Variants in CDH17 observed in about 807,000 individuals in gnomAD.
The protein encoded by CDH17 is cadherin-17.
In CDH17, 67 loss-of-function variants were observed where a neutral mutation model predicts 86.3. The ratio of observed to expected loss-of-function variants is 0.78; its 90% confidence interval spans 0.64 to 0.95. CDH17 has a LOEUF of 0.95. Among genes scored for constraint, CDH17 ranks in the 40% least tolerant of loss-of-function variants. The probability of loss-of-function intolerance (pLI) is 0.00; values close to 1 mark genes in which losing one functional copy is unlikely to be tolerated. For missense variants in CDH17, 993 were observed against 1,017.6 expected, an observed-to-expected ratio of 0.98 and a Z score of 0.33; for synonymous variants, 367 against 366.4, an observed-to-expected ratio of 1.00 and a Z score of -0.02.
intron 15 of CDH17, among the ~76,000 whole-genome samples, chr8:94,133,229 C>T (rs1812454686): frequency 6.6e-6 from 1 of 152,140 alleles, no homozygotes; most frequent in Admixed American, 6.5e-5. Context: ...AAGGGGATGG[C>T]ATTGAATCTA....
intron 1 of CDH17, among the ~76,000 whole-genome samples, chr8:94,195,847 G>T (rs979773634): frequency 6.6e-6 from 1 of 151,160 alleles, no homozygotes; most frequent in African/African-American, 2.4e-5. Flanking sequence ...TGCAAGCTCC[G>T]CCTCCCAGGT....
intron 1 of CDH17, among the ~76,000 whole-genome samples, chr8:94,195,898 C>T (rs1586022144): frequency 6.6e-6 from 1 of 151,938 alleles, no homozygotes; most frequent in African/African-American, 2.4e-5. Context: ...GTAGCTGGGA[C>T]TACAGGCGCC....
At chr8:94,128,404 A>C in intron 17 of CDH17, 64 bp from the exon 18 acceptor site, 1 of 997,350 alleles carries the variant, frequency 1.0e-6, no homozygotes, top group South Asian at 1.4e-5. Flanking sequence ...ACATTCAGTT[A>C]TAAAGTAGTA....
intron 15 of CDH17, among the ~76,000 whole-genome samples, chr8:94,133,723 C>T (rs548432839): frequency 2.0e-5 from 3 of 152,312 alleles, no homozygotes; most frequent in South Asian, 2.1e-4. Flanking sequence ...AGAGGGCATC[C>T]TTGTCTTCTG....
rs747018708 is a variant in CDH17 at position 94,194,687 on chromosome 8, G to GTT, written c.-4_-3dup. 2 of 1,598,326 alleles carry GTT rather than the reference G, an allele frequency of 1.3e-6. No individual in the cohort carries two copies. Among genetic ancestry groups the GTT allele is most frequent in the Non-Finnish European group, 1.7e-6 (2 of 1,170,256 alleles). On this transcript the variant is annotated 5_prime_UTR_variant, in exon 2 of 18. Transcript: ENST00000027335. ...GTGAAGATGGGCCTGAAGTATCATA[G>GTT]TTTTCTTTATTCAAATTCCTGTGAA...
In CDH17 at chr8:94,173,883, T is replaced by C; in HGVS notation, c.697A>G (p.Ile233Val). The C allele has an allele frequency of 6.2e-7, 1 of 1,613,830 alleles. No individual in the cohort carries two copies. Among genetic ancestry groups the C allele is most frequent in the Non-Finnish European group, 8.5e-7 (1 of 1,179,760 alleles). Residue 233 changes from isoleucine (I) to valine (V), a missense_variant, in exon 7 of 18, where the codon ATA (isoleucine) becomes GTA (valine). Physicochemically the swap from Ile to Val is conservative, Grantham distance 29. Transcript: ENST00000027335. ...SFSDTTSVDIIVTENIWKAPK... is the reference protein window; with the variant it reads ...SFSDTTSVDIVVTENIWKAPK... The stretch of plus-strand genomic sequence containing the variant: ...GCTTTCCAAATATTCTCTGTCACTA[T>C]GATATCCACAGATGTGGTATCACTG...
chr8:94,128,032 G>T lies in CDH17; in HGVS notation c.*208C>A, dbSNP rs375126839. The stretch of plus-strand genomic sequence containing the variant: ...CATGTGAACCCAGGAGGCGGAGGTT[G>T]CAGTGAGCTGGGATCACACCACTGT... On this transcript the variant is annotated 3_prime_UTR_variant, in exon 18 of 18. Coordinates refer to ENST00000027335, the MANE Select transcript of CDH17 (RefSeq NM_004063.4). 54 of 446,798 alleles carry T rather than the reference G, an allele frequency of 1.2e-4. No homozygotes were observed. Among genetic ancestry groups the T allele is most frequent in the African/African-American group, 1.1e-3 (53 of 49,030 alleles). 27.7% of individuals were successfully genotyped at this position (446,798 alleles called of 1,614,324 possible).
At chr8:94,186,367 C>T (rs1157868520) in intron 3 of CDH17, among the ~76,000 whole-genome samples, 1 of 152,130 alleles carries the variant, frequency 6.6e-6, no homozygotes, top group Non-Finnish European at 1.5e-5. Context: ...GAAACATAAA[C>T]AACAGAAGTT....
At chr8:94,183,388 T>C (rs1040120339) in intron 3 of CDH17, among the ~76,000 whole-genome samples, 25 of 152,100 alleles carry the variant, frequency 1.6e-4, no homozygotes, top group Non-Finnish European at 2.8e-4. Context: ...TAAACATATA[T>C]AGATCAATGG....
chr8:94,216,257 C>T (rs1814191944), intron 1 of CDH17, among the ~76,000 whole-genome samples: 1 of 152,204 alleles, frequency 6.6e-6, no homozygotes, highest in African/African-American at 2.4e-5. Context: ...CCAATAGCTA[C>T]AGGAGGAAAC....
At chr8:94,203,490 A>G (rs1813961285) in intron 1 of CDH17, among the ~76,000 whole-genome samples, 2 of 152,346 alleles carry the variant, frequency 1.3e-5, no homozygotes, top group Non-Finnish European at 2.9e-5. Context: ...AGCGGCATAA[A>G]TTATAAGGCA....
chr8:94,181,173 G>T (rs1382038324), intron 3 of CDH17, among the ~76,000 whole-genome samples: 5 of 151,880 alleles, frequency 3.3e-5, no homozygotes, highest in Non-Finnish European at 7.4e-5. Flanking sequence ...ACCTAACAAT[G>T]GACCTCAAAA....
intron 2 of CDH17, 73 bp from the exon 3 acceptor site, chr8:94,189,358 T>G: frequency 2.0e-6 from 2 of 1,024,178 alleles, no homozygotes; most frequent in Non-Finnish European, 3.0e-6. Flanking sequence ...TATTAGGGCT[T>G]CCAGCACCAA....
intron 5 of CDH17, 120 bp downstream of exon 5, chr8:94,176,421 G>T: frequency 9.4e-7 from 1 of 1,069,508 alleles, no homozygotes; most frequent in Non-Finnish European, 1.4e-6. Flanking sequence ...AAATCAGTGT[G>T]AAATGTAGGT....
chr8:94,204,390 T>C (rs1166848548), intron 1 of CDH17, among the ~76,000 whole-genome samples: 4 of 152,170 alleles, frequency 2.6e-5, no homozygotes, highest in Non-Finnish European at 5.9e-5. Context: ...AGTGAGAACA[T>C]GCAGAGTTTG....
At chr8:94,208,194 A>G (rs1276519506) in intron 1 of CDH17, among the ~76,000 whole-genome samples, 1 of 152,252 alleles carries the variant, frequency 6.6e-6, no homozygotes, top group African/African-American at 2.4e-5. Context: ...TTTAAACATC[A>G]GAGAACTCAA....
chr8:94,164,331 G>A (rs1396470266), intron 10 of CDH17, among the ~76,000 whole-genome samples: 4 of 152,118 alleles, frequency 2.6e-5, no homozygotes, highest in Admixed American at 6.5e-5. Context: ...TGACTCACAT[G>A]TCCGTCTCTT....
rs144917748 is a variant in CDH17 at position 94,151,880 on chromosome 8, C to T, written c.1784G>A (p.Gly595Asp). 3 of 1,614,068 alleles carry T rather than the reference C, an allele frequency of 1.9e-6. No individual in the cohort carries two copies. The highest frequency in any genetic ancestry group is 2.7e-5 in the African/African-American group (2 of 74,940). Reference protein sequence around the residue: ...VGNVTAKDPEGLDISYSLRGD... With the variant: ...VGNVTAKDPEDLDISYSLRGD... ...TGTTGCCCTTTACCTTATGTCCAGACCTTCTGGATCCTTGGCAGTCACATT... is the reference window on the plus strand; with the variant it reads ...TGTTGCCCTTTACCTTATGTCCAGATCTTCTGGATCCTTGGCAGTCACATT... Residue 595 changes from glycine (G) to aspartate (D), a missense_variant, in exon 13 of 18, where the codon GGT (glycine) becomes GAT (aspartate). Coordinates refer to ENST00000027335, the MANE Select transcript of CDH17 (RefSeq NM_004063.4).
At chr8:94,172,081 C>A (rs1813281495) in intron 7 of CDH17, among the ~76,000 whole-genome samples, 1 of 145,956 alleles carries the variant, frequency 6.9e-6, no homozygotes, top group Non-Finnish European at 1.5e-5. Context: ...GGTTTCAGAA[C>A]ACCCAGAGCA....
Sources: gnomAD v4.1 joint callset for allele counts (sites outside exome capture counted in the v4.1 genomes callset) on GRCh38, gnomAD v4.1.1 for gene constraint, MANE v1.5 for transcripts, NCBI Gene and HGNC (gene_info 2026-07-23, HGNC 2026-07-21) for gene names.